The following KCNQ5 variants were observed in gnomAD, a reference collection of about 807,000 sequenced individuals.
KCNQ5 encodes potassium voltage-gated channel subfamily KQT member 5.
Under a neutral mutation model 98.2 loss-of-function variants are expected in KCNQ5, and 30 were observed. That is an observed-to-expected ratio of 0.31 (90% confidence interval 0.23 to 0.41). KCNQ5 has a LOEUF of 0.41. Ranked by LOEUF, KCNQ5 falls within the 10% of genes least tolerant of loss-of-function variation. KCNQ5 has a pLI of 1.00. For synonymous variants in KCNQ5, 458 were observed against 449.4 expected, an observed-to-expected ratio of 1.02 and a Z score of -0.24; for missense variants, 835 against 1,182.5, an observed-to-expected ratio of 0.71 and a Z score of 4.31.
intron 1 of KCNQ5, among the ~76,000 whole-genome samples, chr6:72,876,562 C>T (rs1042380950): frequency 2.6e-5 from 4 of 152,090 alleles, no homozygotes; most frequent in African/African-American, 9.7e-5. Context: ...TTAAGTATTT[C>T]AATTAAAATC....
In KCNQ5 at chr6:73,195,226, A is replaced by T. The variant is rs1765745502; in HGVS notation, c.2611A>T (p.Ile871Leu). ...YPKWRESKLF[I>L]TDEEVGPEET... is the part of the protein sequence containing the mutation. ...CAAATGGAGGGAATCCAAATTGTTT[A>T]TAACTGATGAAGAGGTGGGTCCCGA... is the stretch of plus-strand genomic sequence containing the variant. The change falls in exon 14 of 14, where the codon ATA becomes TTA. Residue 871 changes from isoleucine to leucine, a missense_variant. Around this residue, in one of 10 missense-constraint regions of KCNQ5, gnomAD observed 416 missense variants for 446.9 expected, o/e 0.93. Coordinates refer to ENST00000370398, the MANE Select transcript of KCNQ5 (RefSeq NM_019842.4). The T allele has an allele frequency of 6.2e-7, 1 of 1,614,216 alleles. No individual in the cohort carries two copies. The highest frequency in any genetic ancestry group is 8.5e-7 in the Non-Finnish European group (1 of 1,180,036).
rs147085420 is a variant in KCNQ5 at position 73,113,109 on chromosome 6, A to G, written c.1125+1706A>G. Among the ~76,000 whole-genome samples the G allele has an allele frequency of 6.1e-3, 933 of 152,332 alleles. 6 individuals are homozygous for G. Among genetic ancestry groups the G allele is most frequent in the Non-Finnish European group, 0.01 (691 of 68,028 alleles). ...AAAGAGGAGTCACACACTTTAGGAC[A>G]CACGCAAAATACCCCAAGGTCCAGA... is the stretch of plus-strand genomic sequence containing the variant. On this transcript the variant is annotated intron_variant, in intron 7 of 13. Transcript: ENST00000370398.
In KCNQ5 at chr6:72,682,438, G is replaced by T. The variant is rs1767754053; in HGVS notation, c.398+59851G>T. Among the ~76,000 whole-genome samples the T allele has an allele frequency of 2.0e-5, 3 of 152,056 alleles. No individual in the cohort carries two copies. In the South Asian group the frequency reaches 6.2e-4, roughly 32 times the overall value. On this transcript the variant is annotated intron_variant, in intron 1 of 13. Coordinates refer to ENST00000370398, the MANE Select transcript of KCNQ5 (RefSeq NM_019842.4). ...CTCCTTATTTTCAGTTTACAAAAAG[G>T]ATTTGTACCTTTTTTTTCCTTTGGC... is the stretch of plus-strand genomic sequence containing the variant.
At chr6:73,016,634 G>A (rs1034652974) in intron 2 of KCNQ5, among the ~76,000 whole-genome samples, 2 of 152,112 alleles carry the variant, frequency 1.3e-5, no homozygotes, top group African/African-American at 2.4e-5. Context: ...TAGGAAGCAG[G>A]TGAAGTTATT....
intron 2 of KCNQ5, 132 bp from the exon 3 acceptor site, chr6:73,041,804 G>A: frequency 1.0e-6 from 1 of 975,828 alleles, no homozygotes; most frequent in Non-Finnish European, 1.6e-6. Context: ...GAAAGGAAAT[G>A]TTCTTAACTT....
chr6:72,748,573 C>T (rs893891438), intron 1 of KCNQ5, among the ~76,000 whole-genome samples: 23 of 152,234 alleles, frequency 1.5e-4, no homozygotes, highest in African/African-American at 5.5e-4. Context: ...CCTTGTTCTT[C>T]CATAATTTAA....
At chr6:72,711,444 A>C (rs56307817) in intron 1 of KCNQ5, among the ~76,000 whole-genome samples, 19,525 of 152,160 alleles carry the variant, frequency 0.13, 2,155 homozygotes, top group African/African-American at 0.3. Context: ...ACAACATGTG[A>C]AAAGCACTTG....
intron 6 of KCNQ5, among the ~76,000 whole-genome samples, chr6:73,106,318 A>G (rs1774998903): frequency 6.6e-6 from 1 of 152,182 alleles, no homozygotes; most frequent in Admixed American, 6.5e-5. Context: ...GAGACTGAAA[A>G]GGCCATGCAT....
At chr6:72,831,171 C>T (rs914157788) in intron 1 of KCNQ5, among the ~76,000 whole-genome samples, 13 of 152,102 alleles carry the variant, frequency 8.5e-5, no homozygotes, top group East Asian at 1.9e-4. Context: ...GACAGTGTGG[C>T]GATTCCTCAA....
At chr6:73,001,150 A>G (rs1769550822) in intron 1 of KCNQ5, among the ~76,000 whole-genome samples, 1 of 152,098 alleles carries the variant, frequency 6.6e-6, no homozygotes, top group Non-Finnish European at 1.5e-5. Context: ...TTTTTTTGGA[A>G]CACTTCTTGA....
chr6:72,978,480 G>A (rs1396502183), intron 1 of KCNQ5, among the ~76,000 whole-genome samples: 6 of 152,160 alleles, frequency 3.9e-5, no homozygotes, highest in East Asian at 3.9e-4. Context: ...TATCTATTTG[G>A]TTCTTTCCAC....
rs1562155884 is a variant in KCNQ5, at chr6:73,063,652, TGATAGATAGATAGATGATA to T, written c.617-13635_617-13617del. ...ATAATCCCACTGAAATACAGATAGA[TGATAGATAGATAGATGATA>T]GATAGATAGATAGATGATAGATAGA... is the stretch of plus-strand genomic sequence containing the variant. On this transcript the variant is annotated intron_variant, in intron 3 of 13. Transcript: ENST00000370398. Among the ~76,000 whole-genome samples, 27 of 133,080 alleles carry T rather than the reference TGATAGATAGATAGATGATA, an allele frequency of 2.0e-4. 1 individual carries two copies. Among genetic ancestry groups the T allele is most frequent in the South Asian group, 1.0e-3 (4 of 3,824 alleles). The allele number at this position is 133,080 out of a possible 152,430, so 87.3% of individuals were successfully genotyped here.
intron 1 of KCNQ5, among the ~76,000 whole-genome samples, chr6:72,849,634 G>C (rs9446768): frequency 0.019 from 2,957 of 152,216 alleles, 83 homozygotes; most frequent in African/African-American, 0.063. Flanking sequence ...GGAAAAGGGG[G>C]CAAGCAGACA....
chr6:72,670,031 A>T (rs1180235447), intron 1 of KCNQ5, among the ~76,000 whole-genome samples: 1 of 151,582 alleles, frequency 6.6e-6, no homozygotes, highest in Admixed American at 6.6e-5. Flanking sequence ...TTTGACTATA[A>T]GCAGTGAGAA....
chr6:72,738,386 AATT>A (rs1242169197), intron 1 of KCNQ5, among the ~76,000 whole-genome samples: 1 of 152,036 alleles, frequency 6.6e-6, no homozygotes, highest in Non-Finnish European at 1.5e-5. Flanking sequence ...TGTAAAAAAA[AATT>A]ATTCTCTAAA....
In KCNQ5 at chr6:73,159,993, T is replaced by TTTTGTTTG. The variant is rs72448817; in HGVS notation, c.1469-9725_1469-9718dup. 3.3e-4 allele frequency among the ~76,000 whole-genome samples: 45 copies of TTTTGTTTG among 136,402 alleles called. No individual in the cohort carries two copies. In the South Asian group the frequency reaches 6.4e-3, roughly 19 times the overall value. 89.5% of individuals were successfully genotyped at this position (136,402 alleles called of 152,430 possible). A position where few individuals can be genotyped will look rare whatever the true frequency, so the allele number is the denominator to read the frequency against. On this transcript the variant is annotated intron_variant, in intron 10 of 13. Transcript: ENST00000370398. ...AAACAAGTGTTTCCGCTATGGTTTT[T>TTTTGTTTG]TTTGTTTGTTTGTTTGTTTGTTTGT...
intron 1 of KCNQ5, among the ~76,000 whole-genome samples, chr6:72,850,618 A>C (rs768236184): frequency 1.8e-4 from 27 of 152,196 alleles, no homozygotes; most frequent in Non-Finnish European, 2.6e-4. Context: ...TTTGTGAAGT[A>C]CTTGAAATCC....
intron 1 of KCNQ5, among the ~76,000 whole-genome samples, chr6:72,824,263 G>T (rs1775884103): frequency 6.6e-6 from 1 of 151,986 alleles, no homozygotes; most frequent in African/African-American, 2.4e-5. Context: ...AGTTTTACCA[G>T]TTCTTGATCT....
In KCNQ5 at chr6:73,149,792, G is replaced by GA. The variant is rs57061336; in HGVS notation, c.1468+16166dup. ...AGCATGGGCGACAGTGGGAGACTCC[G>GA]AAAAAAAAAAAAAAAGAGAGAGAGA... On this transcript the variant is annotated intron_variant, in intron 10 of 13. Transcript: ENST00000370398. 1.9e-3 allele frequency among the ~76,000 whole-genome samples: 189 copies of GA among 98,240 alleles called. 1 individual carries two copies. The highest frequency in any genetic ancestry group is 5.6e-3 in the Middle Eastern group (1 of 178). 64.4% of individuals were successfully genotyped at this position (98,240 alleles called of 152,430 possible). A position where few individuals can be genotyped will look rare whatever the true frequency, so the allele number is the denominator to read the frequency against.
Sources: gnomAD v4.1 joint callset for allele counts (sites outside exome capture counted in the v4.1 genomes callset) on GRCh38, gnomAD v4.1.1 for gene constraint, gnomAD v4.1.1 regional missense constraint, MANE v1.5 for transcripts, NCBI Gene and HGNC (gene_info 2026-07-23, HGNC 2026-07-21) for gene names.